Variants in HMCN1 observed in about 807,000 individuals in gnomAD.
The protein encoded by HMCN1 is hemicentin 1.
Under a neutral mutation model 625.9 loss-of-function variants are expected in HMCN1, and 321 were observed. The ratio of observed to expected loss-of-function variants is 0.51; its 90% CI spans 0.47 to 0.56. The LOEUF is 0.56. HMCN1 is among the 20% of genes least tolerant of loss of function. The pLI is 0.00. For synonymous variants in HMCN1, 2,425 were observed against 2,417.6 expected (o/e 1.00, Z -0.09); for missense variants, 6,588 against 6,887.3 (o/e 0.96, Z 1.54).
chr1:186,185,892 G>C (rs1036802288), intron 105 of HMCN1, among the ~76,000 whole-genome samples: 1 of 152,098 alleles, frequency 6.6e-6, no homozygotes, highest in Non-Finnish European at 1.5e-5. Flanking sequence ...TTTCCCTCTT[G>C]TATCTCAGGA....
At chr1:186,066,904 A>G (rs898742303) in intron 49 of HMCN1, among the ~76,000 whole-genome samples, 5 of 152,118 alleles carry the variant, frequency 3.3e-5, no homozygotes, top group African/African-American at 4.8e-5. Flanking sequence ...ATTATCTTCT[A>G]TACACAAGAA....
In HMCN1 at chr1:186,174,596, A is replaced by G; in HGVS notation, c.15897A>G (p.Val5299=). 1 of 1,614,006 alleles carries G rather than the reference A, an allele frequency of 6.2e-7. No individual in the cohort carries two copies. Among genetic ancestry groups the G allele is most frequent in the Non-Finnish European group, 8.5e-7 (1 of 1,179,876 alleles). Residue 5299 remains valine, a synonymous_variant, in exon 103 of 107, where the codon GTA becomes GTG. Coordinates refer to ENST00000271588, the MANE Select transcript of HMCN1 (RefSeq NM_031935.3). The part of the protein sequence containing the change: ...CENTRGSYRC[V]CPRGYRSQGV... The stretch of plus-strand genomic sequence containing the variant: ...ATACAAGAGGCAGCTATCGTTGTGT[A>G]TGCCCAAGAGGTTATCGGTCTCAAG...
intron 4 of HMCN1, among the ~76,000 whole-genome samples, chr1:185,881,849 C>T (rs569451926): frequency 2.6e-5 from 4 of 152,158 alleles, no homozygotes; most frequent in Non-Finnish European, 5.9e-5. Flanking sequence ...AAAATAAAAA[C>T]TCATTTGTAC....
chr1:186,174,716 C>A, intron 103 of HMCN1, 74 bp downstream of exon 103: 1 of 1,334,324 alleles, frequency 7.5e-7, no homozygotes, highest in Non-Finnish European at 1.1e-6. Context: ...CGCTTAGGGC[C>A]ACTTTCTCTA....
chr1:185,893,328 C>T (rs1048884177), intron 4 of HMCN1, among the ~76,000 whole-genome samples: 38 of 152,330 alleles, frequency 2.5e-4, no homozygotes, highest in African/African-American at 8.4e-4. Context: ...GCCATCTTGG[C>T]TCCTCCACTT....
chr1:185,877,550 G>A (rs960868841), intron 4 of HMCN1, among the ~76,000 whole-genome samples: 3 of 151,336 alleles, frequency 2.0e-5, no homozygotes, highest in African/African-American at 7.3e-5. Flanking sequence ...ATATTGCTCT[G>A]GGCATTATGG....
chr1:186,096,247 C>T (rs1660133005), intron 68 of HMCN1, among the ~76,000 whole-genome samples: 1 of 152,034 alleles, frequency 6.6e-6, no homozygotes, highest in Admixed American at 6.6e-5. Flanking sequence ...GCATATGTTT[C>T]AGCGTGTGTT....
In HMCN1 at chr1:186,038,978, GA is replaced by G; in HGVS notation, c.6002del (p.Glu2001GlyfsTer29). 6.2e-7 allele frequency: 1 copy of G among 1,612,898 alleles called. No individual in the cohort carries two copies. The highest frequency in any genetic ancestry group is 8.5e-7 in the Non-Finnish European group (1 of 1,179,072). On this transcript the variant is annotated frameshift_variant, in exon 38 of 107. Transcript: ENST00000271588. LOFTEE classifies it high-confidence loss of function. ...CVAINSAGAT[E>X]LFYSLQVHVA... ...GGCCATCAACTCAGCTGGAGCTACA[GA>G]GTTATTTTACAGTCTGCAAGTTCAT...
At chr1:185,782,937 G>A (rs1657248019) in intron 1 of HMCN1, among the ~76,000 whole-genome samples, 1 of 152,190 alleles carries the variant, frequency 6.6e-6, no homozygotes, top group South Asian at 2.1e-4. Context: ...ATCCTGCAGA[G>A]TGTTTTCCAA....
At chr1:185,989,334 T>C (rs1288582009) in intron 20 of HMCN1, among the ~76,000 whole-genome samples, 154 bp from the exon 21 acceptor site, 1 of 152,220 alleles carries the variant, frequency 6.6e-6, no homozygotes, top group African/African-American at 2.4e-5. Context: ...TTCTCATAAA[T>C]AACTTTTTTC....
At chr1:186,113,213 CA>C (rs1228206272) in intron 72 of HMCN1, among the ~76,000 whole-genome samples, 1 of 152,158 alleles carries the variant, frequency 6.6e-6, no homozygotes, top group East Asian at 1.9e-4. Flanking sequence ...TTCTGTCATT[CA>C]GAATCAGAAC....
intron 92 of HMCN1, 38 bp downstream of exon 92, chr1:186,145,611 C>T: frequency 6.2e-7 from 1 of 1,611,864 alleles, no homozygotes; most frequent in African/African-American, 1.3e-5. Context: ...ATAAGTAAAG[C>T]ATTTCATTTA....
intron 53 of HMCN1, 52 bp downstream of exon 53, chr1:186,074,943 TAAAAG>T (rs1421889155): frequency 7.7e-6 from 11 of 1,432,894 alleles, no homozygotes; most frequent in African/African-American, 2.8e-5. Flanking sequence ...TCTTTCAAAG[TAAAAG>T]AAAAGAGATT....
In HMCN1 at chr1:186,144,568, G is replaced by A; in HGVS notation, c.14131G>A (p.Ala4711Thr). ...GTGGGCGACTTGGGCCAGTTGGAGT[G>A]CCTGTTCTGTGTCATGTGGAGGAGG... ...GKWATWASWS[A>T]CSVSCGGGAR... Residue 4711 changes from alanine to threonine, a missense_variant, in exon 91 of 107, where the codon GCC becomes ACC. Transcript: ENST00000271588. The A allele has an allele frequency of 6.2e-7, 1 of 1,614,026 alleles. No homozygotes were observed. Among genetic ancestry groups the A allele is most frequent in the Non-Finnish European group, 8.5e-7 (1 of 1,179,994 alleles).
rs371858742 is a variant in HMCN1, at chr1:186,045,548, G to A, written c.6305-140G>A. 9.2e-5 allele frequency: 64 copies of A among 698,336 alleles called. No homozygotes were observed. In the Middle Eastern group the frequency reaches 1.3e-3, roughly 14 times the overall value. 43.3% of individuals were successfully genotyped at this position (698,336 alleles called of 1,614,324 possible). A position where few individuals can be genotyped will look rare whatever the true frequency, so the allele number is the denominator to read the frequency against. On this transcript the variant is annotated intron_variant, in intron 40 of 106. Transcript: ENST00000271588. ...TTTATTAGGACTTGAACCAAGTGAT[G>A]CAAAGTGATGTTAGAATGATTGTGA...
At chr1:186,005,420 A>G (rs945090657) in intron 29 of HMCN1, among the ~76,000 whole-genome samples, 2 of 147,894 alleles carry the variant, frequency 1.4e-5, no homozygotes, top group African/African-American at 5.2e-5. Context: ...AAATGTTTAT[A>G]AACAAGTTTT....
chr1:185,758,721 T>C (rs1655292428), intron 1 of HMCN1, among the ~76,000 whole-genome samples: 1 of 152,184 alleles, frequency 6.6e-6, no homozygotes, highest in Non-Finnish European at 1.5e-5. Context: ...TCTTCCTTCT[T>C]TTCCTCATAT....
chr1:186,050,755 A>G (rs1032469591), intron 42 of HMCN1, among the ~76,000 whole-genome samples: 1 of 152,092 alleles, frequency 6.6e-6, no homozygotes, highest in Non-Finnish European at 1.5e-5. Context: ...GACATCAAAG[A>G]TAGATTCACT....
intron 10 of HMCN1, among the ~76,000 whole-genome samples, chr1:185,929,562 A>G (rs1667445775): frequency 6.6e-6 from 1 of 152,102 alleles, no homozygotes; most frequent in African/African-American, 2.4e-5. Context: ...ACCTATTCTG[A>G]CCTATATATT....
Sources: allele counts gnomAD v4.1 joint callset (sites outside exome capture counted in the v4.1 genomes callset), GRCh38; gene constraint gnomAD v4.1.1; transcripts MANE v1.5; gene names NCBI Gene and HGNC (gene_info 2026-07-23, HGNC 2026-07-21).